RERE: variants seen among roughly 807,000 people sequenced by gnomAD.
The protein encoded by RERE is arginine-glutamic acid dipeptide repeats, also known as arginine-glutamic acid dipeptide repeats protein.
Under a neutral mutation model 146.1 loss-of-function variants are expected in RERE, and 40 were observed. The observed-to-expected ratio is 0.27, with a 90% CI of 0.21 to 0.36. The LOEUF is 0.36. RERE is among the 10% of genes least tolerant of loss of function. The pLI, the probability that RERE is intolerant of heterozygous loss-of-function variation, is 1.00. For missense variants in RERE, 1,933 were observed against 2,138.7 expected, an observed-to-expected ratio of 0.90 and a Z score of 1.90; for synonymous variants, 1,003 against 866.0, an observed-to-expected ratio of 1.16 and a Z score of -2.78.
At chr1:8,647,637 A>ATGTGTGTGTGTGTGTG (rs1484554374) in intron 2 of RERE, among the ~76,000 whole-genome samples, 5 of 59,326 alleles carry the variant, frequency 8.4e-5, no homozygotes, top group African/African-American at 3.0e-4. Flanking sequence ...TATTTAAAAT[A>ATGTGTGTGTGTGTGTG]TGTATGTGTG....
intron 12 of RERE, among the ~76,000 whole-genome samples, chr1:8,418,356 C>T (rs1048732466): frequency 6.6e-6 from 1 of 152,172 alleles, no homozygotes; most frequent in Non-Finnish European, 1.5e-5. Context: ...AGAAAGACAG[C>T]CAAAGCATGT....
intron 1 of RERE, among the ~76,000 whole-genome samples, chr1:8,715,189 G>C (rs1557499073): frequency 1.3e-5 from 2 of 149,602 alleles, no homozygotes; most frequent in Non-Finnish European, 3.0e-5. Context: ...TTTGTTTTAA[G>C]CTATAACAAT....
chr1:8,487,065 C>T (rs1442743900), intron 10 of RERE, among the ~76,000 whole-genome samples: 1 of 152,106 alleles, frequency 6.6e-6, no homozygotes, highest in Non-Finnish European at 1.5e-5. Context: ...CAAATTGAAT[C>T]CAATAGTACG....
At chr1:8,613,887 G>A (rs1646820351) in intron 4 of RERE, among the ~76,000 whole-genome samples, 1 of 152,114 alleles carries the variant, frequency 6.6e-6, no homozygotes, top group Non-Finnish European at 1.5e-5. Context: ...CCTAAAAAAA[G>A]GGAGATGTAC....
At chr1:8,772,543 G>A (rs545150381) in intron 1 of RERE, among the ~76,000 whole-genome samples, 3 of 152,234 alleles carry the variant, frequency 2.0e-5, no homozygotes, top group East Asian at 3.9e-4. Context: ...GAAAGGCCAC[G>A]GCAGGTGGAT....
rs1217958754 is a variant in RERE, at chr1:8,774,947, CTTTCTTT to C, written c.-145+42206_-145+42212del. Among the ~76,000 whole-genome samples, 64 of 111,488 alleles carry C rather than the reference CTTTCTTT, an allele frequency of 5.7e-4. 4 individuals are homozygous for C. The highest frequency in any genetic ancestry group is 7.0e-4 in the Non-Finnish European group (40 of 56,810). 73.1% of individuals were successfully genotyped at this position (111,488 alleles called of 152,430 possible). ...CCTTTCATAGTAGCATTTCTTCTTT[CTTTCTTT>C]TTTTTTTTTTTTTTTTTTTTTTTTT... On this transcript the variant is annotated intron_variant, in intron 1 of 22. Transcript: ENST00000400908.
At chr1:8,653,264 C>G (rs993148821) in intron 2 of RERE, among the ~76,000 whole-genome samples, 2 of 152,182 alleles carry the variant, frequency 1.3e-5, no homozygotes, top group African/African-American at 4.8e-5. Flanking sequence ...ATTATAAATG[C>G]TGAGAAAGGT....
intron 4 of RERE, among the ~76,000 whole-genome samples, chr1:8,565,698 C>T (rs1646145172): frequency 1.3e-5 from 2 of 152,046 alleles, no homozygotes; most frequent in Admixed American, 6.6e-5. Flanking sequence ...GCAACAAGAG[C>T]GCAACTCTGT....
rs113688481 is a variant in RERE at position 8,377,375 on chromosome 1, C to G, written c.1285-11401G>C. Among the ~76,000 whole-genome samples, 1,080 of 152,260 alleles carry G rather than the reference C, an allele frequency of 7.1e-3. 3 individuals are homozygous for G. Among genetic ancestry groups the G allele is most frequent in the African/African-American group, 0.025 (1,024 of 41,554 alleles). Reference sequence around the variant, plus strand: ...TGTAAATATTTTAAGTGTAATAATGCTAATACCAGAAAAATCTTGTTTTCT... The same window carrying G: ...TGTAAATATTTTAAGTGTAATAATGGTAATACCAGAAAAATCTTGTTTTCT... On this transcript the variant is annotated intron_variant, in intron 12 of 22. Coordinates refer to ENST00000400908, the MANE Select transcript of RERE (RefSeq NM_001042681.2).
chr1:8,808,255 G>C (rs1366427797), intron 1 of RERE, among the ~76,000 whole-genome samples: 1 of 151,332 alleles, frequency 6.6e-6, no homozygotes, highest in Non-Finnish European at 1.5e-5. Flanking sequence ...TATTCACTTG[G>C]TATTTAATCA....
intron 4 of RERE, among the ~76,000 whole-genome samples, chr1:8,598,580 CCA>C (rs958551633): frequency 2.6e-5 from 4 of 152,184 alleles, no homozygotes; most frequent in African/African-American, 4.8e-5. Context: ...GGGCTGGATT[CCA>C]CACACAGAAA....
rs1244311333 is a variant in RERE at position 8,354,290 on chromosome 1, G to A, written c.*797C>T. 6.6e-6 allele frequency: 1 copy of A among 152,640 alleles called. No homozygotes were observed. The highest frequency in any genetic ancestry group is 1.5e-5 in the Non-Finnish European group (1 of 68,058). 9.5% of individuals were successfully genotyped at this position (152,640 alleles called of 1,614,324 possible). On this transcript the variant is annotated 3_prime_UTR_variant, in exon 23 of 23. Coordinates refer to ENST00000400908, the MANE Select transcript of RERE (RefSeq NM_001042681.2). ...GCAGACACAAGTGAAACGCCAGGCA[G>A]AAAACAGAGTCTGTAACATCGTCCC...
chr1:8,643,909 C>T (rs778007874), intron 2 of RERE, among the ~76,000 whole-genome samples: 5 of 152,154 alleles, frequency 3.3e-5, no homozygotes, highest in Non-Finnish European at 5.9e-5. Flanking sequence ...AATACAATCC[C>T]ACATTATACC....
chr1:8,814,863 C>T (rs899322149), intron 1 of RERE, among the ~76,000 whole-genome samples: 6 of 152,168 alleles, frequency 3.9e-5, no homozygotes. Flanking sequence ...GTAAATACTT[C>T]TGGTAACAGA....
intron 11 of RERE, among the ~76,000 whole-genome samples, chr1:8,461,603 C>G (rs1644527590): frequency 6.6e-6 from 1 of 152,058 alleles, no homozygotes; most frequent in South Asian, 2.1e-4. Context: ...GTGTCTCAGC[C>G]CCAAAGCAAC....
intron 1 of RERE, among the ~76,000 whole-genome samples, chr1:8,803,322 G>A (rs1641621668): frequency 6.6e-6 from 1 of 152,022 alleles, no homozygotes; most frequent in Non-Finnish European, 1.5e-5. Flanking sequence ...ACAAAAATCA[G>A]CTGGGCATGG....
chr1:8,761,349 T>G (rs1640752864), intron 1 of RERE, among the ~76,000 whole-genome samples: 2 of 152,194 alleles, frequency 1.3e-5, no homozygotes, highest in Non-Finnish European at 2.9e-5. Flanking sequence ...CCTTGATGAC[T>G]TCTCAAGATA....
rs2124409114 is a variant in RERE, at chr1:8,549,522, A to C, written c.725+6953T>G. 1.3e-5 allele frequency among the ~76,000 whole-genome samples: 2 copies of C among 152,356 alleles called. 1 individual carries two copies. Among genetic ancestry groups the C allele is most frequent in the South Asian group, 4.1e-4 (2 of 4,832 alleles). On this transcript the variant is annotated intron_variant, in intron 6 of 22. Transcript: ENST00000400908. ...TTAATAAGTGTAGAAGAAAAGAAAA[A>C]AAAATGAAAAACCACCATAGGCAAG...
At chr1:8,748,063 C>G (rs534668447) in intron 1 of RERE, among the ~76,000 whole-genome samples, 4 of 152,284 alleles carry the variant, frequency 2.6e-5, no homozygotes, top group Admixed American at 2.0e-4. Flanking sequence ...CAAGCGTGAG[C>G]CACCACGCCC....
Sources: gnomAD v4.1 joint callset for allele counts (sites outside exome capture counted in the v4.1 genomes callset) on GRCh38, gnomAD v4.1.1 for gene constraint, MANE v1.5 for transcripts, NCBI Gene and HGNC (gene_info 2026-07-23, HGNC 2026-07-21) for gene names.